Variants in PDS5A observed in about 807,000 individuals in gnomAD.
PDS5A encodes the protein sister chromatid cohesion protein PDS5 homolog A.
Under a neutral mutation model 167.1 loss-of-function variants are expected in PDS5A, and 42 were observed. The observed-to-expected ratio is 0.25, with a 90% CI of 0.20 to 0.33. PDS5A has a LOEUF of 0.33. PDS5A is among the 10% of genes least tolerant of loss of function. The probability of loss-of-function intolerance (pLI) is 1.00; values close to 1 mark genes in which losing one functional copy is unlikely to be tolerated. For synonymous variants in PDS5A, 553 were observed against 554.6 expected (o/e 1.00, Z 0.04); for missense variants, 1,033 against 1,605.9 (o/e 0.64, Z 6.10).
intron 17 of PDS5A, among the ~76,000 whole-genome samples, chr4:39,888,035 A>T (rs1255565473): frequency 6.6e-6 from 1 of 152,080 alleles, no homozygotes; most frequent in Non-Finnish European, 1.5e-5. Flanking sequence ...GCAGATCACG[A>T]GGTCAAGAGA....
chr4:39,865,452 G>C (rs1380417348), intron 23 of PDS5A, among the ~76,000 whole-genome samples: 1 of 152,196 alleles, frequency 6.6e-6, no homozygotes, highest in Non-Finnish European at 1.5e-5. Flanking sequence ...TACTCAGGAG[G>C]CTGAGGCAGG....
chr4:39,924,788 T>G (rs1186653521), intron 5 of PDS5A, among the ~76,000 whole-genome samples: 1 of 152,182 alleles, frequency 6.6e-6, no homozygotes, highest in African/African-American at 2.4e-5. Context: ...TCTAGAACAC[T>G]TCTCATAACA....
chr4:39,890,404 T>A (rs1262385927), intron 16 of PDS5A, 40 bp from the exon 17 acceptor site: 1 of 1,085,638 alleles, frequency 9.2e-7, no homozygotes, highest in Non-Finnish European at 1.4e-6. Flanking sequence ...CGTGATTTGC[T>A]TTCATATTTT....
intron 17 of PDS5A, among the ~76,000 whole-genome samples, chr4:39,888,687 C>CAAAAAAAA (rs33987152): frequency 1.4e-5 from 2 of 144,426 alleles, no homozygotes; most frequent in African/African-American, 2.5e-5. Context: ...AAGCCAAGAA[C>CAAAAAAAA]AACAAAAAAA....
chr4:39,975,745 T>C (rs1731027351), intron 2 of PDS5A, among the ~76,000 whole-genome samples: 1 of 152,158 alleles, frequency 6.6e-6, no homozygotes, highest in Non-Finnish European at 1.5e-5. Flanking sequence ...TGCTTCAAGC[T>C]GTTCCTACAA....
At chr4:39,904,441 C>T (rs1047776355) in intron 11 of PDS5A, among the ~76,000 whole-genome samples, 3 of 152,178 alleles carry the variant, frequency 2.0e-5, no homozygotes, top group Non-Finnish European at 2.9e-5. Flanking sequence ...CAGGTTCACA[C>T]CATTCTCCTG....
chr4:39,853,178 T>G (rs1718259973), intron 26 of PDS5A, among the ~76,000 whole-genome samples: 2 of 152,206 alleles, frequency 1.3e-5, no homozygotes, highest in Admixed American at 6.5e-5. Flanking sequence ...TGGACTCAAA[T>G]AATCCTCTTG....
intron 2 of PDS5A, among the ~76,000 whole-genome samples, chr4:39,949,734 C>T (rs972873021): frequency 1.4e-5 from 2 of 140,598 alleles, no homozygotes; most frequent in African/African-American, 5.2e-5. Flanking sequence ...GCTGGGGTGG[C>T]ACAATCACTG....
At chr4:39,971,792 A>C (rs949950056) in intron 2 of PDS5A, among the ~76,000 whole-genome samples, 5 of 152,278 alleles carry the variant, frequency 3.3e-5, no homozygotes, top group African/African-American at 1.2e-4. Flanking sequence ...CAGCATTTCA[A>C]CACTGTTGCT....
intron 2 of PDS5A, among the ~76,000 whole-genome samples, chr4:39,969,924 T>C (rs141634655): frequency 2.1e-3 from 322 of 150,726 alleles, no homozygotes; most frequent in Non-Finnish European, 3.5e-3. Flanking sequence ...TGGATAAATG[T>C]AATATGAAGG....
chr4:39,862,398 C>T, intron 25 of PDS5A, 65 bp from the exon 26 acceptor site: 1 of 640,374 alleles, frequency 1.6e-6, no homozygotes, highest in Non-Finnish European at 2.7e-6. Context: ...GTTCTAACCA[C>T]TTAAGTTTTC....
intron 2 of PDS5A, among the ~76,000 whole-genome samples, chr4:39,967,619 C>T (rs2109819523): frequency 6.6e-6 from 1 of 152,010 alleles, no homozygotes; most frequent in African/African-American, 2.4e-5. Context: ...TGCACTCCAG[C>T]CTGGGCGACA....
In PDS5A at chr4:39,920,322, A is replaced by G. The variant is rs28449663; in HGVS notation, c.732T>C (p.Ala244=). 538,537 of 1,349,546 alleles carry G rather than the reference A, an allele frequency of 0.4. 113,119 individuals are homozygous for G. Among genetic ancestry groups the G allele is most frequent in the East Asian group, 0.69 (29,018 of 42,250 alleles). The allele number at this position is 1,349,546 out of a possible 1,614,324, so 83.6% of individuals were successfully genotyped here. The change falls in exon 7 of 33, where the codon GCT becomes GCC. Residue 244 remains alanine, a synonymous_variant. Transcript: ENST00000303538. ...RTVQTIEACI[A]NFFNQVLVLG... is the part of the protein sequence containing the mutation. The stretch of plus-strand genomic sequence containing the variant: ...AAACATAGAAAGAAATACATACATT[A>G]GCAATGCATGCCTCAATAGTCTGGA...
rs1180189604 is a variant in PDS5A, at chr4:39,879,788, A to G, written c.1932T>C (p.Asp644=). 3 of 1,612,130 alleles carry G rather than the reference A, an allele frequency of 1.9e-6. No individual in the cohort carries two copies. The highest frequency in any genetic ancestry group is 1.7e-6 in the Non-Finnish European group (2 of 1,178,298). The change falls in exon 18 of 33, where the codon GAT becomes GAC. Residue 644 remains aspartate, a synonymous_variant. Transcript: ENST00000303538. ...CTGGACTTACACCCTCCTCTTCATC[A>G]TCTGCTGTCCCCTCTATTGACTTAT... ...LMNKSIEGTA[D]DEEEGVSPDT...
intron 2 of PDS5A, among the ~76,000 whole-genome samples, chr4:39,928,603 C>T (rs768024589): frequency 7.2e-5 from 11 of 151,968 alleles, no homozygotes; most frequent in Admixed American, 5.9e-4. Context: ...ATGAGTTTTA[C>T]ACTTCATAAT....
intron 2 of PDS5A, among the ~76,000 whole-genome samples, chr4:39,960,516 T>G (rs1163710841): frequency 6.6e-6 from 1 of 152,176 alleles, no homozygotes; most frequent in Non-Finnish European, 1.5e-5. Flanking sequence ...ATTATGCTTA[T>G]GTTCAACTTT....
chr4:39,875,429 C>T (rs1720383216), intron 19 of PDS5A, among the ~76,000 whole-genome samples: 2 of 151,942 alleles, frequency 1.3e-5, no homozygotes, highest in South Asian at 4.1e-4. Flanking sequence ...ACGAAACAAA[C>T]ATTTAAGGAA....
chr4:39,926,980 T>C (rs1725533779), intron 3 of PDS5A, 119 bp from the exon 4 acceptor site: 2 of 839,030 alleles, frequency 2.4e-6, no homozygotes, highest in Non-Finnish European at 3.2e-6. Context: ...CTCCTTTAGA[T>C]GAATGTCTTG....
intron 30 of PDS5A, among the ~76,000 whole-genome samples, 184 bp downstream of exon 30, chr4:39,844,472 T>G (rs1278052019): frequency 3.9e-5 from 3 of 76,882 alleles, no homozygotes; most frequent in Non-Finnish European, 5.2e-5. Flanking sequence ...GAGCGAGACT[T>G]TGTCTCAAAA....
Sources: allele counts gnomAD v4.1 joint callset (sites outside exome capture counted in the v4.1 genomes callset), GRCh38; gene constraint gnomAD v4.1.1; transcripts MANE v1.5; gene names NCBI Gene and HGNC (gene_info 2026-07-23, HGNC 2026-07-21).